KCNIP4: variants seen among roughly 807,000 people sequenced by gnomAD.
The protein encoded by KCNIP4 is potassium voltage-gated channel interacting protein 4.
A neutral mutation model predicts 34.0 loss-of-function variants in KCNIP4; 12 were observed. The observed-to-expected ratio is 0.35, with a 90% CI of 0.23 to 0.57. The LOEUF (loss-of-function observed/expected upper bound fraction) is 0.57. KCNIP4 is among the 20% of genes least tolerant of loss of function. The pLI is 0.83. For missense variants in KCNIP4, 238 were observed against 311.7 expected, an observed-to-expected ratio of 0.76 and a Z score of 1.78; for synonymous variants, 124 against 102.2, an observed-to-expected ratio of 1.21 and a Z score of -1.29.
intron 1 of KCNIP4, among the ~76,000 whole-genome samples, chr4:21,620,002 A>G (rs2109173176): frequency 6.6e-6 from 1 of 152,344 alleles, no homozygotes. Context: ...AAAGTGATGT[A>G]AAGACCATTG....
At chr4:21,413,558 A>G (rs1336581265) in intron 1 of KCNIP4, among the ~76,000 whole-genome samples, 1 of 152,188 alleles carries the variant, frequency 6.6e-6, no homozygotes, top group Non-Finnish European at 1.5e-5. Context: ...TTGCTCATAC[A>G]GCACTCATCC....
intron 1 of KCNIP4, among the ~76,000 whole-genome samples, chr4:20,995,423 AG>A (rs2149710866): frequency 6.6e-6 from 1 of 152,332 alleles, no homozygotes; most frequent in African/African-American, 2.4e-5. Flanking sequence ...TTATTTTTTT[AG>A]TAGCCATCTC....
At chr4:21,040,026 G>A (rs1469849394) in intron 1 of KCNIP4, among the ~76,000 whole-genome samples, 2 of 152,140 alleles carry the variant, frequency 1.3e-5, no homozygotes, top group Non-Finnish European at 2.9e-5. Flanking sequence ...GAGAGTGCGT[G>A]TGTGAAGGAG....
At chr4:21,494,689 C>T (rs1732704569) in intron 1 of KCNIP4, among the ~76,000 whole-genome samples, 1 of 151,028 alleles carries the variant, frequency 6.6e-6, no homozygotes, top group South Asian at 2.1e-4. Flanking sequence ...AAGAGAATCG[C>T]TTGAACCTGG....
intron 1 of KCNIP4, among the ~76,000 whole-genome samples, chr4:21,691,691 C>CTTTTTTTTT (rs36004947): frequency 1.2e-4 from 12 of 103,152 alleles, no homozygotes; most frequent in East Asian, 2.9e-4. Flanking sequence ...AAACGCAGCT[C>CTTTTTTTTT]TTTTTTTTTT....
chr4:20,978,511 C>T (rs1262558083), intron 1 of KCNIP4, among the ~76,000 whole-genome samples: 1 of 152,172 alleles, frequency 6.6e-6, no homozygotes, highest in Non-Finnish European at 1.5e-5. Flanking sequence ...TACATTTTAT[C>T]GTTGTTCCAG....
chr4:21,484,005 CTTTT>C (rs35586015), intron 1 of KCNIP4, among the ~76,000 whole-genome samples: 1 of 147,244 alleles, frequency 6.8e-6, no homozygotes, highest in Non-Finnish European at 1.5e-5. Context: ...CCAATTAAAC[CTTTT>C]TTTTTTTTAT....
At chr4:21,216,774 C>T (rs779200866) in intron 1 of KCNIP4, among the ~76,000 whole-genome samples, 62 of 151,962 alleles carry the variant, frequency 4.1e-4, no homozygotes, top group Admixed American at 7.2e-4. Context: ...GAAGACTGTC[C>T]TAAACCCTGA....
chr4:21,407,709 T>C (rs1724115136), intron 1 of KCNIP4, among the ~76,000 whole-genome samples: 1 of 152,220 alleles, frequency 6.6e-6, no homozygotes, highest in South Asian at 2.1e-4. Context: ...TCCCTAAAAA[T>C]TTACAAGTAT....
At chr4:21,714,884 AT>A (rs1181645846) in intron 1 of KCNIP4, among the ~76,000 whole-genome samples, 9 of 356 alleles carry the variant, frequency 0.025, no homozygotes, top group Admixed American at 0.056. Context: ...ATTTTATTTT[AT>A]TTTATTTTAT....
chr4:21,393,676 A>G (rs1722743600), intron 1 of KCNIP4, among the ~76,000 whole-genome samples: 1 of 152,220 alleles, frequency 6.6e-6, no homozygotes, highest in Non-Finnish European at 1.5e-5. Flanking sequence ...ATTTTTTTCA[A>G]TCAAAATTTT....
chr4:21,347,362 T>C (rs1717554594), intron 1 of KCNIP4, among the ~76,000 whole-genome samples: 1 of 152,188 alleles, frequency 6.6e-6, no homozygotes, highest in South Asian at 2.1e-4. Flanking sequence ...CCTCATAGGA[T>C]ATGCCACTAC....
chr4:21,774,293 G>A (rs1350843838), intron 1 of KCNIP4, among the ~76,000 whole-genome samples: 1 of 152,166 alleles, frequency 6.6e-6, no homozygotes, highest in African/African-American at 2.4e-5. Flanking sequence ...TAGATTTTCT[G>A]CTGAGAGGTC....
chr4:21,881,948 G>A (rs145464511), intron 1 of KCNIP4, among the ~76,000 whole-genome samples: 211 of 152,174 alleles, frequency 1.4e-3, no homozygotes, highest in African/African-American at 4.7e-3. Flanking sequence ...ATATTAAGAC[G>A]GGAAAAGATA....
intron 7 of KCNIP4, 33 bp downstream of exon 7, chr4:20,732,648 T>G: frequency 7.2e-7 from 1 of 1,397,910 alleles, no homozygotes; most frequent in Non-Finnish European, 1.0e-6. Context: ...TCTCCTAACT[T>G]CATGCCCTCT....
intron 1 of KCNIP4, among the ~76,000 whole-genome samples, chr4:21,453,330 A>G (rs932023636): frequency 2.0e-5 from 3 of 152,146 alleles, no homozygotes; most frequent in Admixed American, 6.6e-5. Flanking sequence ...TGAAAGAGGT[A>G]GAAGGTCTTG....
chr4:21,556,874 TTAC>T (rs367812897), intron 1 of KCNIP4, among the ~76,000 whole-genome samples: 22 of 129,088 alleles, frequency 1.7e-4, no homozygotes, highest in African/African-American at 6.7e-4. Flanking sequence ...TGAGCTGAGA[TTAC>T]GCCACTGCAC....
In KCNIP4 at chr4:20,831,807, G is replaced by A. The variant is rs117192129; in HGVS notation, c.288+18736C>T. Among the ~76,000 whole-genome samples, 332 of 152,292 alleles carry A rather than the reference G, an allele frequency of 2.2e-3. 6 individuals are homozygous for A. The East Asian group carries it at 0.046, about 21-fold the overall frequency. ...TGCTTCATTGCACAGATTACATGGTGCCTTGATTCTGCTGCTGACAAGCAG... is the reference window on the plus strand; with the variant it reads ...TGCTTCATTGCACAGATTACATGGTACCTTGATTCTGCTGCTGACAAGCAG... On this transcript the variant is annotated intron_variant, in intron 3 of 8. Transcript: ENST00000382152.
In KCNIP4 at chr4:20,919,919, A is replaced by G. The variant is rs544228294; in HGVS notation, c.62-37210T>C. ...GGCTAACACATAACCCTACATTGGT[A>G]ATTAGAATCCTCTTCTCTTTCTGGG... is the stretch of plus-strand genomic sequence containing the variant. On this transcript the variant is annotated intron_variant, in intron 1 of 8. Transcript: ENST00000382152. Among the ~76,000 whole-genome samples, 37 of 152,192 alleles carry G rather than the reference A, an allele frequency of 2.4e-4. No individual in the cohort carries two copies. The South Asian group carries it at 7.3e-3, about 30-fold the overall frequency.
Sources: gnomAD v4.1 joint callset for allele counts (sites outside exome capture counted in the v4.1 genomes callset) on GRCh38, gnomAD v4.1.1 for gene constraint, MANE v1.5 for transcripts, NCBI Gene and HGNC (gene_info 2026-07-23, HGNC 2026-07-21) for gene names.